Variants in ROR1 observed in about 807,000 individuals in gnomAD.
ROR1 encodes the protein ROR family WNT receptor 1, also known as inactive tyrosine-protein kinase transmembrane receptor ROR1.
A neutral mutation model predicts 78.8 loss-of-function variants in ROR1; 19 were observed. That is an observed-to-expected ratio of 0.24 (90% confidence interval 0.17 to 0.35). ROR1 has a LOEUF of 0.35. ROR1 is among the 10% of genes least tolerant of loss of function. The pLI is 1.00. For missense variants in ROR1, 917 were observed against 1,177.8 expected (o/e 0.78, Z 3.24); for synonymous variants, 386 against 433.6 (o/e 0.89, Z 1.36).
chr1:64,050,010 G>T (rs1420070140), intron 3 of ROR1, 32 bp downstream of exon 3: 1 of 1,609,696 alleles, frequency 6.2e-7, no homozygotes, highest in Admixed American at 1.7e-5. Context: ...ATGGACTTTG[G>T]CCCTCAGCCC....
At chr1:64,061,162 A>G (rs1455182109) in intron 4 of ROR1, among the ~76,000 whole-genome samples, 1 of 152,212 alleles carries the variant, frequency 6.6e-6, no homozygotes, top group African/African-American at 2.4e-5. Context: ...GTTAAATTGA[A>G]TGTTGGAAGT....
At chr1:63,988,349 C>A (rs774418712) in intron 1 of ROR1, among the ~76,000 whole-genome samples, 2 of 152,172 alleles carry the variant, frequency 1.3e-5, no homozygotes, top group Non-Finnish European at 2.9e-5. Flanking sequence ...TCTCAGAATT[C>A]ATTTAATCCA....
At chr1:63,939,518 G>A (rs1033720027) in intron 1 of ROR1, among the ~76,000 whole-genome samples, 4 of 152,066 alleles carry the variant, frequency 2.6e-5, no homozygotes, top group African/African-American at 9.7e-5. Context: ...AAAATTTCCA[G>A]GCATATCAAA....
At chr1:64,058,425 G>T (rs1350870979) in intron 4 of ROR1, among the ~76,000 whole-genome samples, 1 of 151,864 alleles carries the variant, frequency 6.6e-6, no homozygotes, top group East Asian at 1.9e-4. Context: ...TTAGTGAAAA[G>T]ATTTCAGTCT....
intron 4 of ROR1, among the ~76,000 whole-genome samples, chr1:64,079,975 T>C (rs1314564392): frequency 6.6e-6 from 1 of 152,224 alleles, no homozygotes; most frequent in Non-Finnish European, 1.5e-5. Context: ...GGCTTCTTTC[T>C]ATAATTAAGG....
chr1:64,130,424 A>AG (rs1211495840), intron 4 of ROR1, among the ~76,000 whole-genome samples: 1 of 152,216 alleles, frequency 6.6e-6, no homozygotes, highest in Non-Finnish European at 1.5e-5. Context: ...TCTTGACCAC[A>AG]GCCAGCCTGA....
In ROR1 at chr1:63,782,388, C is replaced by T. The variant is rs376241576; in HGVS notation, c.91+7880C>T. 2.6e-4 allele frequency among the ~76,000 whole-genome samples: 39 copies of T among 152,158 alleles called. 2 individuals are homozygous for T. Among genetic ancestry groups the T allele is most frequent in the Admixed American group, 1.7e-3 (26 of 15,284 alleles). ...AGGCAGAATCGGTATGATCCTTCTT[C>T]GGTGGCTTGACAACCTTAGAAGTCA... On this transcript the variant is annotated intron_variant, in intron 1 of 8. Transcript: ENST00000371079.
intron 1 of ROR1, among the ~76,000 whole-genome samples, chr1:63,873,969 C>T (rs545010790): frequency 1.3e-5 from 2 of 152,182 alleles, no homozygotes; most frequent in Admixed American, 6.6e-5. Context: ...GGTGAGAGAC[C>T]GCTACTGCTG....
intron 1 of ROR1, among the ~76,000 whole-genome samples, chr1:63,862,843 T>G (rs1408878131): frequency 2.0e-5 from 3 of 152,202 alleles, no homozygotes; most frequent in Non-Finnish European, 4.4e-5. Flanking sequence ...ACCGTGAGGA[T>G]TAAGTGATAA....
At chr1:64,022,527 A>G (rs949759806) in intron 2 of ROR1, among the ~76,000 whole-genome samples, 1 of 152,174 alleles carries the variant, frequency 6.6e-6, no homozygotes, top group African/African-American at 2.4e-5. Flanking sequence ...TAACATTGCA[A>G]CGCTAACTGT....
chr1:63,802,359 G>A (rs958695666), intron 1 of ROR1, among the ~76,000 whole-genome samples: 1 of 152,142 alleles, frequency 6.6e-6, no homozygotes, highest in Non-Finnish European at 1.5e-5. Flanking sequence ...GATCTAGTGA[G>A]TTAGTTATGT....
chr1:63,972,518 A>G (rs1169130845), intron 1 of ROR1, among the ~76,000 whole-genome samples: 3 of 152,108 alleles, frequency 2.0e-5, no homozygotes, highest in Non-Finnish European at 2.9e-5. Context: ...TATTGTATCT[A>G]TGAGGTGTTA....
At position 63,963,374 on chromosome 1, in the gene ROR1, C is replaced by T. The variant is rs148011939; in HGVS notation, c.92-45931C>T. The stretch of plus-strand genomic sequence containing the variant: ...CCTGAGGTCGGGAGTTTGATACCAG[C>T]CTGACCAACATGGTGAAACCCCATC... On this transcript the variant is annotated intron_variant, in intron 1 of 8. Coordinates refer to ENST00000371079, the MANE Select transcript of ROR1 (RefSeq NM_005012.4). Among the ~76,000 whole-genome samples the T allele has an allele frequency of 5.9e-3, 900 of 152,010 alleles. 8 individuals carry two copies. The highest frequency in any genetic ancestry group is 0.021 in the African/African-American group (870 of 41,474).
chr1:64,137,879 T>G (rs1437653602), intron 5 of ROR1, among the ~76,000 whole-genome samples: 1 of 152,006 alleles, frequency 6.6e-6, no homozygotes, highest in Non-Finnish European at 1.5e-5. Context: ...GGGGATGAAT[T>G]TAGAGTTTAG....
intron 8 of ROR1, among the ~76,000 whole-genome samples, chr1:64,160,185 T>C (rs898638897): frequency 1.3e-5 from 2 of 152,086 alleles, no homozygotes; most frequent in Non-Finnish European, 2.9e-5. Context: ...TCACTTTTAA[T>C]AAAATTTTAG....
At chr1:63,855,309 A>T (rs1400976311) in intron 1 of ROR1, among the ~76,000 whole-genome samples, 1 of 152,114 alleles carries the variant, frequency 6.6e-6, no homozygotes, top group Non-Finnish European at 1.5e-5. Flanking sequence ...CAAATACCTT[A>T]TGACTTTGTT....
At chr1:64,165,765 T>C (rs1650070331) in intron 8 of ROR1, among the ~76,000 whole-genome samples, 1 of 145,998 alleles carries the variant, frequency 6.8e-6, no homozygotes, top group South Asian at 2.2e-4. Context: ...AGTGCAGTGG[T>C]GTGATCTCAG....
intron 1 of ROR1, among the ~76,000 whole-genome samples, chr1:63,844,834 T>C (rs1645071163): frequency 6.6e-6 from 1 of 152,240 alleles, no homozygotes; most frequent in African/African-American, 2.4e-5. Flanking sequence ...TGGAAGGTCA[T>C]GCAATCTGCC....
chr1:63,946,840 T>C (rs1645893434), intron 1 of ROR1, among the ~76,000 whole-genome samples: 1 of 152,146 alleles, frequency 6.6e-6, no homozygotes, highest in Non-Finnish European at 1.5e-5. Context: ...ATGCCAGACG[T>C]GATCTTGTCA....
Sources: gnomAD v4.1 joint callset for allele counts (sites outside exome capture counted in the v4.1 genomes callset) on GRCh38, gnomAD v4.1.1 for gene constraint, MANE v1.5 for transcripts, NCBI Gene and HGNC (gene_info 2026-07-23, HGNC 2026-07-21) for gene names.